FARS2: variants seen among roughly 807,000 people sequenced by gnomAD.
FARS2 encodes phenylalanine--tRNA ligase, mitochondrial.
A neutral mutation model predicts 46.4 loss-of-function variants in FARS2; 40 were observed. The ratio of observed to expected loss-of-function variants is 0.86; its 90% CI spans 0.67 to 1.12. FARS2 has a LOEUF of 1.12. FARS2 is among the 50% of genes most tolerant of loss of function. The probability of loss-of-function intolerance (pLI) is 0.00; values close to 1 mark genes in which losing one functional copy is unlikely to be tolerated. For missense variants in FARS2, 513 were observed against 567.9 expected, an observed-to-expected ratio of 0.90 and a Z score of 0.98; for synonymous variants, 234 against 214.9, an observed-to-expected ratio of 1.09 and a Z score of -0.78.
In FARS2 at chr6:5,711,589, TC is replaced by T. The variant is rs202117189; in HGVS notation, c.1218-59701del. Among the ~76,000 whole-genome samples, 1,176 of 151,992 alleles carry T rather than the reference TC, an allele frequency of 7.7e-3. 10 individuals are homozygous for T. Among genetic ancestry groups the T allele is most frequent in the Middle Eastern group, 0.041 (12 of 294 alleles). ...GGTGTGATGAGAATGGTACTCAACCTCTGCGATCTTCCACAAAAAAGAATCC... is the reference window on the plus strand; with the variant it reads ...GGTGTGATGAGAATGGTACTCAACCTTGCGATCTTCCACAAAAAAGAATCC... On this transcript the variant is annotated intron_variant, in intron 6 of 6. Transcript: ENST00000274680.
At chr6:5,682,119 C>G (rs1289002536) in intron 6 of FARS2, among the ~76,000 whole-genome samples, 1 of 152,132 alleles carries the variant, frequency 6.6e-6, no homozygotes, top group African/African-American at 2.4e-5. Flanking sequence ...AAGGAGGAGA[C>G]TACAAAAAGC....
chr6:5,488,930 T>A (rs922528701), intron 4 of FARS2, among the ~76,000 whole-genome samples: 1 of 152,338 alleles, frequency 6.6e-6, no homozygotes, highest in East Asian at 1.9e-4. Context: ...GTGCTCTTAC[T>A]GTGTCCCAGG....
At chr6:5,695,137 G>C (rs1421588194) in intron 6 of FARS2, 4 of 152,252 alleles carry the variant, frequency 2.6e-5, no homozygotes. Flanking sequence ...TGATGACGCT[G>C]TGCTTACCCA....
intron 2 of FARS2, among the ~76,000 whole-genome samples, chr6:5,388,631 A>G (rs1002729410): frequency 2.0e-5 from 3 of 152,274 alleles, no homozygotes; most frequent in South Asian, 4.2e-4. Context: ...ACTCTCAGCA[A>G]AACACAGAAT....
At chr6:5,572,396 T>C (rs963694610) in intron 5 of FARS2, among the ~76,000 whole-genome samples, 2 of 151,966 alleles carry the variant, frequency 1.3e-5, no homozygotes, top group Non-Finnish European at 2.9e-5. Context: ...CCATGAAGGA[T>C]CCACCCCCAT....
chr6:5,424,769 T>C (rs1762754388), intron 3 of FARS2, among the ~76,000 whole-genome samples: 1 of 152,174 alleles, frequency 6.6e-6, no homozygotes, highest in African/African-American at 2.4e-5. Context: ...GTGAACATAT[T>C]TCCTATTCAA....
At chr6:5,646,334 GT>G (rs1180027377) in intron 6 of FARS2, among the ~76,000 whole-genome samples, 3 of 152,168 alleles carry the variant, frequency 2.0e-5, no homozygotes, top group Non-Finnish European at 4.4e-5. Flanking sequence ...GGCTGTAGTG[GT>G]TCTGACGAAC....
intron 6 of FARS2, among the ~76,000 whole-genome samples, chr6:5,762,557 G>A (rs1440628189): frequency 6.6e-6 from 1 of 152,134 alleles, no homozygotes; most frequent in African/African-American, 2.4e-5. Context: ...AAAACCTGGG[G>A]GTGTTTTGAA....
At chr6:5,473,113 A>G (rs1765895716) in intron 4 of FARS2, among the ~76,000 whole-genome samples, 1 of 152,158 alleles carries the variant, frequency 6.6e-6, no homozygotes, top group African/African-American at 2.4e-5. Context: ...GGTGTTATCT[A>G]TATTTGCATA....
intron 6 of FARS2, among the ~76,000 whole-genome samples, chr6:5,709,716 T>G (rs1369196381): frequency 4.6e-4 from 62 of 133,564 alleles, no homozygotes; most frequent in East Asian, 1.3e-3. Context: ...ACGTGCATGT[T>G]GGGGGGGGTG....
intron 1 of FARS2, among the ~76,000 whole-genome samples, chr6:5,332,081 C>G (rs1770836876): frequency 6.6e-6 from 1 of 152,090 alleles, no homozygotes; most frequent in Non-Finnish European, 1.5e-5. Flanking sequence ...AACTAAATCC[C>G]TGAGAGGTCA....
At chr6:5,758,424 T>G (rs920437454) in intron 6 of FARS2, among the ~76,000 whole-genome samples, 4 of 152,180 alleles carry the variant, frequency 2.6e-5, no homozygotes, top group Admixed American at 1.3e-4. Flanking sequence ...ATAAAGTGCC[T>G]GAAAAACTTA....
chr6:5,376,637 G>A (rs1759400644), intron 2 of FARS2, among the ~76,000 whole-genome samples: 1 of 152,170 alleles, frequency 6.6e-6, no homozygotes, highest in South Asian at 2.1e-4. Context: ...AGAGGTACTT[G>A]TATCAACATG....
intron 5 of FARS2, among the ~76,000 whole-genome samples, chr6:5,575,281 T>G (rs1192768291): frequency 6.6e-6 from 1 of 152,116 alleles, no homozygotes; most frequent in African/African-American, 2.4e-5. Flanking sequence ...GCTGGGAACA[T>G]GTGTGTTCTG....
intron 6 of FARS2, among the ~76,000 whole-genome samples, chr6:5,757,853 A>G (rs1452278620): frequency 6.6e-6 from 1 of 152,212 alleles, no homozygotes; most frequent in Non-Finnish European, 1.5e-5. Flanking sequence ...TATTGTTGCT[A>G]CGGTTACTAT....
intron 4 of FARS2, among the ~76,000 whole-genome samples, chr6:5,444,488 AAAAAAGAG>A (rs1443984156): frequency 0.012 from 255 of 20,880 alleles, 1 homozygote; most frequent in African/African-American, 0.029. Flanking sequence ...AAAAAAAAAA[AAAAAAGAG>A]AGAGAGAGAG....
chr6:5,422,049 G>A (rs747646601), intron 3 of FARS2, among the ~76,000 whole-genome samples: 2 of 152,200 alleles, frequency 1.3e-5, no homozygotes, highest in African/African-American at 2.4e-5. Context: ...AGGAAAAATA[G>A]GCTTAATGGA....
At chr6:5,540,752 G>A (rs1770578544) in intron 4 of FARS2, among the ~76,000 whole-genome samples, 1 of 152,226 alleles carries the variant, frequency 6.6e-6, no homozygotes, top group South Asian at 2.1e-4. Flanking sequence ...AATATGTACA[G>A]CGTGTTTGTC....
chr6:5,512,546 A>G (rs1768521357), intron 4 of FARS2, among the ~76,000 whole-genome samples: 1 of 151,998 alleles, frequency 6.6e-6, no homozygotes, highest in African/African-American at 2.4e-5. Context: ...TTTGTGTCCT[A>G]AGCTAAGGTA....
Sources: gnomAD v4.1 joint callset for allele counts (sites outside exome capture counted in the v4.1 genomes callset) on GRCh38, gnomAD v4.1.1 for gene constraint, MANE v1.5 for transcripts, NCBI Gene and HGNC (gene_info 2026-07-23, HGNC 2026-07-21) for gene names.